LRRTM4: variants seen among roughly 807,000 people sequenced by gnomAD.
LRRTM4 encodes the protein leucine-rich repeat transmembrane neuronal protein 4.
A neutral mutation model predicts 47.6 loss-of-function variants in LRRTM4; 25 were observed. That is an observed-to-expected ratio of 0.53 (90% confidence interval 0.38 to 0.73). The LOEUF is 0.73. Among genes scored for constraint, LRRTM4 ranks in the 30% least tolerant of loss-of-function variants. The pLI is 0.00. For missense variants in LRRTM4, 638 were observed against 713.4 expected (o/e 0.89, Z 1.20); for synonymous variants, 311 against 269.5 (o/e 1.15, Z -1.51).
chr2:77,266,216 A>G (rs1238557050), intron 3 of LRRTM4, among the ~76,000 whole-genome samples: 6 of 152,176 alleles, frequency 3.9e-5, no homozygotes, highest in Non-Finnish European at 7.4e-5. Flanking sequence ...TCTGATCTAG[A>G]TGTAAAGGAA....
At chr2:76,804,813 T>TAAAC (rs1573138491) in intron 3 of LRRTM4, among the ~76,000 whole-genome samples, 1 of 150,890 alleles carries the variant, frequency 6.6e-6, no homozygotes, top group South Asian at 2.1e-4. Context: ...AACAAATTAT[T>TAAAC]AAACAGACAA....
intron 3 of LRRTM4, among the ~76,000 whole-genome samples, chr2:77,234,868 G>C (rs1193908775): frequency 6.6e-6 from 1 of 152,008 alleles, no homozygotes; most frequent in Non-Finnish European, 1.5e-5. Context: ...TAATGAACCT[G>C]GTTTATCAAC....
intron 3 of LRRTM4, among the ~76,000 whole-genome samples, chr2:77,455,885 A>G (rs1339615168): frequency 6.6e-6 from 1 of 152,152 alleles, no homozygotes; most frequent in East Asian, 1.9e-4. Context: ...ATTCCAGAAT[A>G]CTTACTTTTA....
chr2:77,232,238 C>T (rs368456740), intron 3 of LRRTM4, among the ~76,000 whole-genome samples: 7 of 152,146 alleles, frequency 4.6e-5, no homozygotes, highest in Admixed American at 1.3e-4. Flanking sequence ...TCGGACCTTC[C>T]TCTTCACATA....
intron 3 of LRRTM4, among the ~76,000 whole-genome samples, chr2:77,173,726 T>C (rs963574329): frequency 2.0e-5 from 3 of 152,104 alleles, no homozygotes; most frequent in Non-Finnish European, 4.4e-5. Flanking sequence ...CTCAGCCTCC[T>C]GAGTAAGTGG....
intron 3 of LRRTM4, among the ~76,000 whole-genome samples, chr2:76,775,062 A>G (rs1448986807): frequency 6.6e-6 from 1 of 152,172 alleles, no homozygotes; most frequent in Admixed American, 6.6e-5. Flanking sequence ...ACATATCTTG[A>G]AACCCTCCCC....
At position 77,010,859 on chromosome 2, in the gene LRRTM4, C is replaced by G. The variant is rs529010611; in HGVS notation, c.1552-261943G>C. On this transcript the variant is annotated intron_variant, in intron 3 of 3. Transcript: ENST00000409884. Reference sequence around the variant, plus strand: ...CCACAGACAATGTTCTGAGTTGAGACTGATTGTGGTTAGGGGCCATGGAAG... The same window carrying G: ...CCACAGACAATGTTCTGAGTTGAGAGTGATTGTGGTTAGGGGCCATGGAAG... Among the ~76,000 whole-genome samples the G allele has an allele frequency of 5.9e-5, 9 of 152,198 alleles. No homozygotes were observed. In the East Asian group the frequency reaches 9.7e-4, roughly 16 times the overall value.
intron 3 of LRRTM4, among the ~76,000 whole-genome samples, chr2:77,028,965 G>T (rs1678549452): frequency 6.6e-6 from 1 of 150,608 alleles, no homozygotes; most frequent in Admixed American, 6.7e-5. Context: ...AACCCGGGAG[G>T]CGGAGCTTGC....
intron 3 of LRRTM4, among the ~76,000 whole-genome samples, chr2:76,752,090 T>C (rs929886927): frequency 6.6e-5 from 10 of 152,190 alleles, no homozygotes; most frequent in Admixed American, 6.5e-4. Context: ...CTTGTAGCTC[T>C]GTCAATGGTC....
chr2:77,057,753 C>T (rs894445877), intron 3 of LRRTM4, among the ~76,000 whole-genome samples: 1 of 152,048 alleles, frequency 6.6e-6, no homozygotes, highest in African/African-American at 2.4e-5. Flanking sequence ...CACCTAGAGT[C>T]AAGAAGAACT....
chr2:77,136,483 C>A (rs75599929), intron 3 of LRRTM4, among the ~76,000 whole-genome samples: 1 of 152,228 alleles, frequency 6.6e-6, no homozygotes, highest in East Asian at 1.9e-4. Context: ...CTGTATGTCA[C>A]CATCATCAAA....
intron 3 of LRRTM4, among the ~76,000 whole-genome samples, chr2:76,851,755 GTTTTTT>G (rs34184474): frequency 5.1e-5 from 6 of 117,744 alleles, no homozygotes; most frequent in East Asian, 2.7e-4. Flanking sequence ...ACTTTTATTC[GTTTTTT>G]TTTTTTTTTT....
At chr2:77,438,575 T>G (rs1421451781) in intron 3 of LRRTM4, among the ~76,000 whole-genome samples, 2 of 151,964 alleles carry the variant, frequency 1.3e-5, no homozygotes, top group East Asian at 3.9e-4. Flanking sequence ...CCAGGCTGAT[T>G]TTTTATATTT....
At chr2:76,983,354 C>A (rs912979197) in intron 3 of LRRTM4, among the ~76,000 whole-genome samples, 31 of 152,020 alleles carry the variant, frequency 2.0e-4, no homozygotes, top group African/African-American at 6.5e-4. Context: ...TGTAATAATC[C>A]CCAGGTGTCA....
rs375289558 is a variant in LRRTM4, at chr2:76,780,342, C to A, written c.1552-31426G>T. 2.2e-3 allele frequency among the ~76,000 whole-genome samples: 340 copies of A among 152,202 alleles called. 4 individuals are homozygous for A. In the South Asian group the frequency reaches 0.036, roughly 16 times the overall value. ...GATTGGGGAAGTTCTCCTGGATAAT[C>A]TCCTGCAGAGTGTTTTCCAACTTGG... On this transcript the variant is annotated intron_variant, in intron 3 of 3. Transcript: ENST00000409884.
At chr2:77,003,213 G>T (rs762686914) in intron 3 of LRRTM4, among the ~76,000 whole-genome samples, 2 of 151,462 alleles carry the variant, frequency 1.3e-5, no homozygotes, top group Non-Finnish European at 2.9e-5. Flanking sequence ...TTTTGTCCAC[G>T]TTTGTGTTTC....
intron 3 of LRRTM4, among the ~76,000 whole-genome samples, chr2:77,224,112 G>A (rs1175127288): frequency 1.3e-5 from 2 of 151,414 alleles, no homozygotes; most frequent in East Asian, 3.9e-4. Context: ...AATGGGGAAA[G>A]GATTCCCTAT....
intron 3 of LRRTM4, among the ~76,000 whole-genome samples, chr2:77,509,015 C>T (rs536450247): frequency 4.0e-4 from 61 of 151,948 alleles, no homozygotes; most frequent in African/African-American, 1.4e-3. Flanking sequence ...GCAGATCACC[C>T]GAAGTCAGGA....
chr2:77,138,001 C>T (rs1672000536), intron 3 of LRRTM4, among the ~76,000 whole-genome samples: 2 of 152,126 alleles, frequency 1.3e-5, no homozygotes, highest in Non-Finnish European at 1.5e-5. Flanking sequence ...TACCAACAGA[C>T]TTAGACTCCC....
Sources: gnomAD v4.1 joint callset for allele counts (sites outside exome capture counted in the v4.1 genomes callset) on GRCh38, gnomAD v4.1.1 for gene constraint, MANE v1.5 for transcripts, NCBI Gene and HGNC (gene_info 2026-07-23, HGNC 2026-07-21) for gene names.